Variants in ASIP observed in about 807,000 individuals in gnomAD.
ASIP encodes the protein agouti signaling protein, also known as agouti-signaling protein.
In ASIP, 11 loss-of-function variants were observed where a neutral mutation model predicts 10.3. The observed-to-expected ratio is 1.07, with a 90% CI of 0.68 to 1.78. ASIP has a LOEUF of 1.78. Ranked by LOEUF, ASIP falls within the 40% of genes most tolerant of loss-of-function variation. ASIP has a pLI of 0.00. For missense variants in ASIP, 180 were observed against 169.2 expected (o/e 1.06, Z -0.35); for synonymous variants, 70 against 70.8 (o/e 0.99, Z 0.06).
chr20:34,205,671 T>TCCATTTTACAGAGCGCTGATTTTG (rs2034931315), intron 1 of ASIP, among the ~76,000 whole-genome samples: 1 of 149,222 alleles, frequency 6.7e-6, no homozygotes, highest in Admixed American at 6.6e-5. Flanking sequence ...CGCTGATTTC[T>TCCATTTTACAGAGCGCTGATTTTG]CCATTTTACA....
chr20:34,259,811 C>G (rs1388023626), intron 1 of ASIP, among the ~76,000 whole-genome samples: 1 of 151,984 alleles, frequency 6.6e-6, no homozygotes, highest in Admixed American at 6.6e-5. Flanking sequence ...CCTATGTCAA[C>G]AGCTCCATCC....
chr20:34,265,403 A>G (rs984272084), intron 3 of ASIP, among the ~76,000 whole-genome samples: 1 of 152,132 alleles, frequency 6.6e-6, no homozygotes, highest in African/African-American at 2.4e-5. Flanking sequence ...GTGCTCCTGT[A>G]GTCCCAGATA....
chr20:34,205,878 G>C (rs2034933470), intron 1 of ASIP, among the ~76,000 whole-genome samples: 2 of 151,890 alleles, frequency 1.3e-5, no homozygotes, highest in Non-Finnish European at 2.9e-5. Context: ...GTGCTGATTG[G>C]TGCATTTACA....
At chr20:34,265,035 A>C (rs888544198) in intron 3 of ASIP, among the ~76,000 whole-genome samples, 6 of 152,050 alleles carry the variant, frequency 3.9e-5, no homozygotes, top group African/African-American at 1.4e-4. Flanking sequence ...AGTTCAGGCA[A>C]TCCGCTGCTT....
intron 1 of ASIP, among the ~76,000 whole-genome samples, chr20:34,212,235 TACAAG>T (rs2034979289): frequency 6.6e-6 from 1 of 152,162 alleles, no homozygotes; most frequent in African/African-American, 2.4e-5. Context: ...AAAGAAAAGT[TACAAG>T]ACTAGTAAGA....
intron 1 of ASIP, among the ~76,000 whole-genome samples, chr20:34,243,112 C>T (rs1275462152): frequency 6.6e-6 from 1 of 152,222 alleles, no homozygotes; most frequent in African/African-American, 2.4e-5. Flanking sequence ...ACTCTGACCC[C>T]TGTTTCAGTG....
intron 1 of ASIP, among the ~76,000 whole-genome samples, chr20:34,245,179 CA>C (rs1350081195): frequency 6.6e-6 from 1 of 151,282 alleles, no homozygotes; most frequent in Non-Finnish European, 1.5e-5. Flanking sequence ...ACTAAAAATA[CA>C]AAAATTAGCT....
chr20:34,265,133 T>C (rs772749858), intron 3 of ASIP, among the ~76,000 whole-genome samples: 7 of 152,188 alleles, frequency 4.6e-5, no homozygotes, highest in Non-Finnish European at 1.0e-4. Flanking sequence ...ATAATACATA[T>C]AACATAAAAA....
chr20:34,215,409 T>TGAGA (rs2035000962), intron 1 of ASIP: 1 of 1,548,542 alleles, frequency 6.5e-7, no homozygotes. Flanking sequence ...CCTCCTCTGA[T>TGAGA]GTATGCACCA....
At chr20:34,266,936 A>G (rs376774143) in intron 3 of ASIP, among the ~76,000 whole-genome samples, 1 of 152,124 alleles carries the variant, frequency 6.6e-6, no homozygotes, top group Non-Finnish European at 1.5e-5. Flanking sequence ...GCCTCAGTTT[A>G]TCATATCAAC....
chr20:34,242,336 G>A (rs1029625662), intron 1 of ASIP, among the ~76,000 whole-genome samples: 1 of 151,984 alleles, frequency 6.6e-6, no homozygotes, highest in Non-Finnish European at 1.5e-5. Context: ...GAGTTCAAAC[G>A]ATTCTCCCAC....
chr20:34,253,511 T>C lies in ASIP; in HGVS notation c.-10-6854T>C, dbSNP rs545075954. On this transcript the variant is annotated intron_variant, in intron 1 of 3. Transcript: ENST00000374954. Reference sequence around the variant, plus strand: ...TTTTAGAGACAGAGTCTTGCTCCGTTGCCCAGGCCGGAGTGCAATGGCACA... The same window carrying C: ...TTTTAGAGACAGAGTCTTGCTCCGTCGCCCAGGCCGGAGTGCAATGGCACA... Among the ~76,000 whole-genome samples, 3 of 151,816 alleles carry C rather than the reference T, an allele frequency of 2.0e-5. No individual in the cohort carries two copies. In the East Asian group the frequency reaches 5.8e-4, roughly 29 times the overall value.
At chr20:34,205,430 G>A (rs943794949) in intron 1 of ASIP, among the ~76,000 whole-genome samples, 1 of 151,252 alleles carries the variant, frequency 6.6e-6, no homozygotes, top group Non-Finnish European at 1.5e-5. Flanking sequence ...TCGTGGTCTC[G>A]CTGGCTTCAG....
At chr20:34,198,785 T>A (rs1403990718) in intron 1 of ASIP, among the ~76,000 whole-genome samples, 1 of 152,190 alleles carries the variant, frequency 6.6e-6, no homozygotes, top group East Asian at 1.9e-4. Context: ...AGCCCCTTAT[T>A]TTCTTGTAAG....
intron 1 of ASIP, among the ~76,000 whole-genome samples, chr20:34,197,214 A>T (rs565159473): frequency 9.9e-5 from 15 of 152,202 alleles, no homozygotes; most frequent in Middle Eastern, 3.4e-3. Flanking sequence ...CTCTACTAAA[A>T]ATACAAAAAT....
intron 1 of ASIP, among the ~76,000 whole-genome samples, chr20:34,210,602 C>T (rs1476764145): frequency 6.6e-6 from 1 of 152,184 alleles, no homozygotes; most frequent in Non-Finnish European, 1.5e-5. Context: ...GCACAACCTG[C>T]CAGGCTGAGT....
At chr20:34,219,896 T>C (rs2035033709) in intron 1 of ASIP, among the ~76,000 whole-genome samples, 1 of 152,032 alleles carries the variant, frequency 6.6e-6, no homozygotes, top group Admixed American at 6.6e-5. Context: ...GAGACCATCC[T>C]GGCTAACACG....
At chr20:34,268,929 A>G in intron 3 of ASIP, 62 bp from the exon 4 acceptor site, 1 of 1,546,914 alleles carries the variant, frequency 6.5e-7, no homozygotes, top group Non-Finnish European at 8.7e-7. Context: ...GCTCCCAGGC[A>G]GAGGTGAGGA....
rs551810261 is a variant in ASIP at position 34,203,236 on chromosome 20, A to C, written c.-11+8476A>C. On this transcript the variant is annotated intron_variant, in intron 1 of 3. Transcript: ENST00000568305. ...TAATATGAAAGTCTTTACAATATTA[A>C]ATTTTTTTATCCATGAATATGGTAT... Among the ~76,000 whole-genome samples the C allele has an allele frequency of 2.6e-5, 4 of 152,180 alleles. No homozygotes were observed. The South Asian group carries it at 8.3e-4, about 32-fold the overall frequency.
Sources: gnomAD v4.1 joint callset for allele counts (sites outside exome capture counted in the v4.1 genomes callset) on GRCh38, gnomAD v4.1.1 for gene constraint, MANE v1.5 for transcripts, NCBI Gene and HGNC (gene_info 2026-07-23, HGNC 2026-07-21) for gene names.